FBN2: variants seen among roughly 807,000 people sequenced by gnomAD.
FBN2 encodes fibrillin 2, also known as fibrillin-2.
FBN2 carries 105 observed loss-of-function variants against 355.6 expected under a neutral mutation model. That is an observed-to-expected ratio of 0.30 (90% CI 0.25 to 0.35). The LOEUF (loss-of-function observed/expected upper bound fraction) is 0.35. Among genes scored for constraint, FBN2 ranks in the 10% least tolerant of loss-of-function variants. FBN2 has a pLI of 1.00. For synonymous variants in FBN2, 1,350 were observed against 1,301.2 expected, an observed-to-expected ratio of 1.04 and a Z score of -0.81; for missense variants, 3,280 against 3,758.7, an observed-to-expected ratio of 0.87 and a Z score of 3.33.
chr5:128,422,890 A>G (rs980836525), intron 7 of FBN2, among the ~76,000 whole-genome samples: 7 of 152,186 alleles, frequency 4.6e-5, no homozygotes, highest in Non-Finnish European at 1.0e-4. Flanking sequence ...GACAGATGAC[A>G]TATAAAAAGA....
chr5:128,260,650 T>A (rs1764942059), intron 64 of FBN2, among the ~76,000 whole-genome samples: 1 of 152,200 alleles, frequency 6.6e-6, no homozygotes, highest in Admixed American at 6.5e-5. Context: ...TTGATGAATA[T>A]CTCAACTGTC....
At chr5:128,324,037 A>T (rs2126880501) in intron 34 of FBN2, among the ~76,000 whole-genome samples, 1 of 152,276 alleles carries the variant, frequency 6.6e-6, no homozygotes, top group South Asian at 2.1e-4. Context: ...TGTGTCCAGG[A>T]ATTTATCCAT....
chr5:128,326,421 T>C (rs1750549734), intron 34 of FBN2, among the ~76,000 whole-genome samples: 1 of 152,208 alleles, frequency 6.6e-6, no homozygotes, highest in African/African-American at 2.4e-5. Flanking sequence ...TGGAGTCCTC[T>C]CTCATGTTCC....
chr5:128,376,927 C>A lies in FBN2; in HGVS notation c.1850-74G>T, dbSNP rs553671796. 2.5e-6 allele frequency: 4 copies of A among 1,580,388 alleles called. No homozygotes were observed. In the African/African-American group the frequency reaches 5.4e-5, roughly 21 times the overall value. On this transcript the variant is annotated intron_variant, in intron 13 of 64. Coordinates refer to ENST00000262464, the MANE Select transcript of FBN2 (RefSeq NM_001999.4). The stretch of plus-strand genomic sequence containing the variant: ...ATTCCTTCTTCTTCCATAAACAACC[C>A]CCAGTCAAATTCCACTACCTAAATG...
intron 48 of FBN2, among the ~76,000 whole-genome samples, chr5:128,298,786 C>T (rs1371688084): frequency 1.3e-5 from 2 of 152,170 alleles, no homozygotes; most frequent in African/African-American, 2.4e-5. Flanking sequence ...GTTTGAGTGT[C>T]CTCCCATAGC....
chr5:128,309,427 C>A (rs755727941), intron 40 of FBN2, 28 bp from the exon 41 acceptor site: 6 of 1,602,732 alleles, frequency 3.7e-6, no homozygotes, highest in Non-Finnish European at 5.1e-6. Flanking sequence ...AAGAAACTAG[C>A]CATTTGTATC....
At chr5:128,332,392 C>T (rs1046177420) in intron 32 of FBN2, among the ~76,000 whole-genome samples, 1 of 152,150 alleles carries the variant, frequency 6.6e-6, no homozygotes, top group African/African-American at 2.4e-5. Context: ...TAGACTCTGG[C>T]TCAAGAACCA....
intron 11 of FBN2, among the ~76,000 whole-genome samples, chr5:128,380,387 G>T (rs1311080281): frequency 6.6e-6 from 1 of 152,040 alleles, no homozygotes; most frequent in Non-Finnish European, 1.5e-5. Context: ...AGCTCTGTTT[G>T]AAGAACATGA....
chr5:128,394,352 C>T (rs1752593637), intron 9 of FBN2, among the ~76,000 whole-genome samples: 1 of 152,070 alleles, frequency 6.6e-6, no homozygotes, highest in Non-Finnish European at 1.5e-5. Context: ...CCCAATATAG[C>T]ATCATTTATA....
chr5:128,466,578 G>A (rs1386792842), intron 5 of FBN2, among the ~76,000 whole-genome samples: 1 of 152,190 alleles, frequency 6.6e-6, no homozygotes, highest in Admixed American at 6.6e-5. Context: ...ACTTCGATTT[G>A]CTTTAAAGAA....
chr5:128,509,109 G>A (rs1271265383), intron 5 of FBN2, among the ~76,000 whole-genome samples: 1 of 151,918 alleles, frequency 6.6e-6, no homozygotes, highest in Admixed American at 6.6e-5. Context: ...GGGATTCATT[G>A]ATCTTGGGTC....
At chr5:128,271,655 A>G (rs545096222) in intron 62 of FBN2, among the ~76,000 whole-genome samples, 231 of 152,178 alleles carry the variant, frequency 1.5e-3, no homozygotes, top group Non-Finnish European at 2.0e-3. Context: ...TGGGAAATCT[A>G]AATATATTAA....
intron 61 of FBN2, 79 bp downstream of exon 61, chr5:128,273,761 A>G: frequency 7.0e-7 from 1 of 1,436,534 alleles, no homozygotes; most frequent in Non-Finnish European, 9.8e-7. Flanking sequence ...TTTTCAGATT[A>G]TACCAATTTG....
intron 58 of FBN2, among the ~76,000 whole-genome samples, chr5:128,276,583 C>G (rs929500978): frequency 3.3e-5 from 5 of 152,164 alleles, no homozygotes; most frequent in African/African-American, 1.2e-4. Context: ...CTTTCCCCTT[C>G]AGATTCAGTC....
chr5:128,420,809 T>A (rs1753325777), intron 7 of FBN2, among the ~76,000 whole-genome samples: 1 of 152,216 alleles, frequency 6.6e-6, no homozygotes, highest in Non-Finnish European at 1.5e-5. Context: ...AAGTAATTGC[T>A]AATTAAAAAG....
At chr5:128,396,155 G>C (rs903760963) in intron 8 of FBN2, among the ~76,000 whole-genome samples, 1 of 152,084 alleles carries the variant, frequency 6.6e-6, no homozygotes, top group Non-Finnish European at 1.5e-5. Flanking sequence ...GCTTGGGTGT[G>C]GGGTATGGAA....
chr5:128,282,653 A>T (rs1748999953), intron 55 of FBN2, among the ~76,000 whole-genome samples: 1 of 152,144 alleles, frequency 6.6e-6, no homozygotes, highest in Non-Finnish European at 1.5e-5. Flanking sequence ...AAGTTGCCTG[A>T]TTCTTTTTTC....
At position 128,434,424 on chromosome 5, in the gene FBN2, A is replaced by ATATATATATG. The variant is rs1168426536; in HGVS notation, c.952+12056_952+12057insCATATATATA. ...TATATATATATATATATATATATAT[A>ATATATATATG]TGGGCAGTAAGTGACAGCACTGGCG... is the stretch of plus-strand genomic sequence containing the variant. On this transcript the variant is annotated intron_variant, in intron 7 of 64. Transcript: ENST00000262464. Among the ~76,000 whole-genome samples the ATATATATATG allele has an allele frequency of 9.0e-4, 117 of 130,488 alleles. 1 individual carries two copies. Among genetic ancestry groups the ATATATATATG allele is most frequent in the Non-Finnish European group, 1.4e-3 (90 of 62,626 alleles). 85.6% of individuals were successfully genotyped at this position (130,488 alleles called of 152,430 possible).
intron 49 of FBN2, 117 bp downstream of exon 49, chr5:128,291,412 G>T (rs941645413): frequency 8.5e-7 from 1 of 1,174,116 alleles, no homozygotes; most frequent in Non-Finnish European, 1.3e-6. Context: ...TTAACTTGCA[G>T]ATGTATTTTA....
Sources: gnomAD v4.1 joint callset for allele counts (sites outside exome capture counted in the v4.1 genomes callset) on GRCh38, gnomAD v4.1.1 for gene constraint, MANE v1.5 for transcripts, NCBI Gene and HGNC (gene_info 2026-07-23, HGNC 2026-07-21) for gene names.